Variants in MAGI2 observed in about 807,000 individuals in gnomAD.
MAGI2 encodes membrane-associated guanylate kinase, WW and PDZ domain-containing protein 2.
A neutral mutation model predicts 133.3 loss-of-function variants in MAGI2; 35 were observed. The ratio of observed to expected loss-of-function variants is 0.26; its 90% CI spans 0.20 to 0.35. The LOEUF (loss-of-function observed/expected upper bound fraction) is 0.35. Among genes scored for constraint, MAGI2 ranks in the 10% least tolerant of loss-of-function variants. MAGI2 has a pLI of 1.00. For missense variants in MAGI2, 1,636 were observed against 1,863.4 expected, an observed-to-expected ratio of 0.88 and a Z score of 2.25; for synonymous variants, 729 against 710.6, an observed-to-expected ratio of 1.03 and a Z score of -0.41.
chr7:78,248,133 T>A (rs1324845171), intron 10 of MAGI2, among the ~76,000 whole-genome samples: 2 of 152,176 alleles, frequency 1.3e-5, no homozygotes, highest in Non-Finnish European at 2.9e-5. Context: ...AACAGATGTC[T>A]CAGCAGAAAC....
intron 1 of MAGI2, among the ~76,000 whole-genome samples, chr7:79,210,352 T>G (rs1396282991): frequency 6.6e-6 from 1 of 152,082 alleles, no homozygotes; most frequent in Non-Finnish European, 1.5e-5. Flanking sequence ...ACATGCATAC[T>G]TTCTGAGGTA....
At chr7:78,647,050 TATTGACCAAACA>T (rs1405708212) in intron 2 of MAGI2, among the ~76,000 whole-genome samples, 1 of 152,156 alleles carries the variant, frequency 6.6e-6, no homozygotes, top group Admixed American at 6.5e-5. Context: ...TACATAAACA[TATTGACCAAACA>T]ATTCTATTTC....
intron 1 of MAGI2, among the ~76,000 whole-genome samples, chr7:79,325,966 C>T (rs1050332996): frequency 6.6e-6 from 1 of 152,104 alleles, no homozygotes; most frequent in South Asian, 2.1e-4. Flanking sequence ...CACTTCAACT[C>T]GTGAACATTT....
chr7:79,044,131 A>G (rs750104221), intron 1 of MAGI2, among the ~76,000 whole-genome samples: 3 of 152,156 alleles, frequency 2.0e-5, no homozygotes, highest in Non-Finnish European at 4.4e-5. Flanking sequence ...AACAACAAAA[A>G]AGAAAACTTC....
intron 9 of MAGI2, among the ~76,000 whole-genome samples, chr7:78,287,067 G>C (rs779497072): frequency 1.3e-5 from 2 of 152,120 alleles, no homozygotes; most frequent in African/African-American, 4.8e-5. Flanking sequence ...ATAATCTTCA[G>C]AGGGAATTAC....
rs1468183149 is a variant in MAGI2 at position 78,573,363 on chromosome 7, G to GAA, written c.539-51720_539-51719dup. ...ATATATATAGAGAGAGAGAATCCTG[G>GAA]AAATATATATATATATATATATATA... On this transcript the variant is annotated intron_variant, in intron 3 of 21. Coordinates refer to ENST00000354212, the MANE Select transcript of MAGI2 (RefSeq NM_012301.4). 2.1e-3 allele frequency among the ~76,000 whole-genome samples: 50 copies of GAA among 23,600 alleles called. 2 individuals carry two copies. The highest frequency in any genetic ancestry group is 3.1e-3 in the South Asian group (2 of 646). The allele number at this position is 23,600 out of a possible 152,430, so 15.5% of individuals were successfully genotyped here.
chr7:78,854,967 C>T (rs1213423897), intron 2 of MAGI2, among the ~76,000 whole-genome samples: 2 of 152,074 alleles, frequency 1.3e-5, no homozygotes, highest in Admixed American at 1.3e-4. Flanking sequence ...GCAATTCTAC[C>T]TTACCTTCCT....
chr7:78,690,405 G>A (rs1333609073), intron 2 of MAGI2, among the ~76,000 whole-genome samples: 2 of 152,068 alleles, frequency 1.3e-5, no homozygotes, highest in Non-Finnish European at 2.9e-5. Context: ...TCTGACCGCT[G>A]CTCCCTGCTT....
At position 79,207,138 on chromosome 7, in the gene MAGI2, C is replaced by T. The variant is rs181664938; in HGVS notation, c.302-199932G>A. Among the ~76,000 whole-genome samples the T allele has an allele frequency of 2.1e-4, 32 of 152,002 alleles. 1 individual carries two copies. Among genetic ancestry groups the T allele is most frequent in the African/African-American group, 7.5e-4 (31 of 41,400 alleles). ...TTACTCAACAGGGAAATGTTGAAAGCTTTTCCTTTAGGATATGGAACAAGA... is the reference window on the plus strand; with the variant it reads ...TTACTCAACAGGGAAATGTTGAAAGTTTTTCCTTTAGGATATGGAACAAGA... On this transcript the variant is annotated intron_variant, in intron 1 of 21. Coordinates refer to ENST00000354212, the MANE Select transcript of MAGI2 (RefSeq NM_012301.4).
chr7:78,658,696 A>G (rs1483943157), intron 2 of MAGI2, among the ~76,000 whole-genome samples: 1 of 152,234 alleles, frequency 6.6e-6, no homozygotes, highest in African/African-American at 2.4e-5. Flanking sequence ...CGGATGGCAA[A>G]TAAGCACATA....
Position 78,164,016 on chromosome 7 carries a change from A to G in MAGI2, c.2597-3743T>C, listed in dbSNP as rs533672656. ...ATTTGGCACCAGTTGGCTGGAGCTC[A>G]GTGATGGCTGCTCCTTCAACTGGGT... is the stretch of plus-strand genomic sequence containing the variant. On this transcript the variant is annotated intron_variant, in intron 15 of 21. Coordinates refer to ENST00000354212, the MANE Select transcript of MAGI2 (RefSeq NM_012301.4). Among the ~76,000 whole-genome samples the G allele has an allele frequency of 1.8e-4, 27 of 152,276 alleles. No homozygotes were observed. The East Asian group carries it at 5.2e-3, about 29-fold the overall frequency.
chr7:78,603,981 A>G (rs146823095), intron 3 of MAGI2, among the ~76,000 whole-genome samples: 211 of 152,326 alleles, frequency 1.4e-3, no homozygotes, highest in African/African-American at 4.7e-3. Flanking sequence ...CATATTTTAG[A>G]GCTGATAGGC....
At chr7:78,737,839 TA>T (rs985202022) in intron 2 of MAGI2, among the ~76,000 whole-genome samples, 26 of 152,188 alleles carry the variant, frequency 1.7e-4, no homozygotes, top group African/African-American at 6.0e-4. Flanking sequence ...GACCCACATT[TA>T]AAAAAATATT....
At chr7:78,452,437 T>G (rs372330973) in intron 6 of MAGI2, among the ~76,000 whole-genome samples, 1 of 152,100 alleles carries the variant, frequency 6.6e-6, no homozygotes, top group Admixed American at 6.6e-5. Flanking sequence ...ATTATGCTTA[T>G]GATTATTTTT....
At chr7:79,065,337 C>A (rs1219844930) in intron 1 of MAGI2, among the ~76,000 whole-genome samples, 7 of 152,032 alleles carry the variant, frequency 4.6e-5, no homozygotes, top group Admixed American at 4.6e-4. Context: ...AGACTGAAAA[C>A]TGCTAGAGGG....
chr7:79,135,650 C>T lies in MAGI2; in HGVS notation c.302-128444G>A, dbSNP rs1585013123. On this transcript the variant is annotated intron_variant, in intron 1 of 21. Transcript: ENST00000354212. ...CTGAAAAACAATCTTTACAAAAAGG[C>T]TTTGGGCAGGGCACTGTGGCCGACA... Among the ~76,000 whole-genome samples, 6 of 152,026 alleles carry T rather than the reference C, an allele frequency of 3.9e-5. No individual in the cohort carries two copies. The South Asian group carries it at 1.2e-3, about 32-fold the overall frequency.
intron 1 of MAGI2, among the ~76,000 whole-genome samples, chr7:79,093,594 G>T (rs1817257528): frequency 6.6e-6 from 1 of 152,068 alleles, no homozygotes; most frequent in Admixed American, 6.6e-5. Flanking sequence ...TCTTCTTGCT[G>T]GTTAGAGAGT....
chr7:79,326,031 T>C (rs1370551338), intron 1 of MAGI2, among the ~76,000 whole-genome samples: 1 of 152,082 alleles, frequency 6.6e-6, no homozygotes, highest in Non-Finnish European at 1.5e-5. Context: ...AAGCACCGAA[T>C]AAGAAATTAC....
chr7:78,419,029 T>C (rs1021206495), intron 6 of MAGI2, among the ~76,000 whole-genome samples: 3 of 152,144 alleles, frequency 2.0e-5, no homozygotes, highest in Non-Finnish European at 4.4e-5. Context: ...TATAGACAGT[T>C]AGGCTATACA....
Sources: allele counts gnomAD v4.1 joint callset (sites outside exome capture counted in the v4.1 genomes callset), GRCh38; gene constraint gnomAD v4.1.1; transcripts MANE v1.5; gene names NCBI Gene and HGNC (gene_info 2026-07-23, HGNC 2026-07-21).